FAM135A: variants seen among roughly 807,000 people sequenced by gnomAD.
FAM135A encodes family with sequence similarity 135 member A.
A neutral mutation model predicts 146.8 loss-of-function variants in FAM135A; 79 were observed. That is an observed-to-expected ratio of 0.54 (90% confidence interval 0.45 to 0.65). FAM135A has a LOEUF of 0.65. Ranked by LOEUF, FAM135A falls within the 30% of genes least tolerant of loss-of-function variation. The pLI, the probability that FAM135A is intolerant of heterozygous loss-of-function variation, is 0.00. For missense variants in FAM135A, 1,623 were observed against 1,758.2 expected (o/e 0.92, Z 1.38); for synonymous variants, 562 against 603.6 (o/e 0.93, Z 1.01).
In FAM135A at chr6:70,525,073, T is replaced by C; in HGVS notation, c.1989T>C (p.Asn663=). 1 of 1,580,860 alleles carries C rather than the reference T, an allele frequency of 6.3e-7. No homozygotes were observed. The highest frequency in any genetic ancestry group is 8.6e-7 in the Non-Finnish European group (1 of 1,168,670). ...GAACAATTGAAATAAAGCCCAGTAA[T>C]AAAGATCCTTTCAGTGGAGAGAATA... ...GVRTIEIKPS[N]KDPFSGENIT... The change falls in exon 15 of 22, where the codon AAT becomes AAC. Residue 663 remains asparagine, a synonymous_variant. Coordinates refer to ENST00000418814, the MANE Select transcript of FAM135A (RefSeq NM_001162529.3).
At chr6:70,437,796 A>G (rs546581852) in intron 4 of FAM135A, among the ~76,000 whole-genome samples, 1 of 152,182 alleles carries the variant, frequency 6.6e-6, no homozygotes, top group Non-Finnish European at 1.5e-5. Context: ...AAATTTTACA[A>G]AAGTAAATGT....
intron 5 of FAM135A, among the ~76,000 whole-genome samples, chr6:70,468,706 G>A (rs1213637256): frequency 6.6e-6 from 1 of 152,202 alleles, no homozygotes; most frequent in Non-Finnish European, 1.5e-5. Context: ...GAAGACTCTT[G>A]TCTGTCTCCT....
At chr6:70,548,871 A>T (rs1235836448) in intron 20 of FAM135A, among the ~76,000 whole-genome samples, 1 of 152,012 alleles carries the variant, frequency 6.6e-6, no homozygotes, top group Non-Finnish European at 1.5e-5. Context: ...TAACAACCCA[A>T]AAGAAAAAAA....
At chr6:70,420,991 C>G (rs748187242) in intron 2 of FAM135A, among the ~76,000 whole-genome samples, 1 of 151,958 alleles carries the variant, frequency 6.6e-6, no homozygotes, top group Non-Finnish European at 1.5e-5. Context: ...AAGCAGTCCT[C>G]CCACCTCAGC....
At chr6:70,515,889 G>C (rs1206358614) in intron 12 of FAM135A, among the ~76,000 whole-genome samples, 1 of 151,874 alleles carries the variant, frequency 6.6e-6, no homozygotes. Context: ...CGTACTTTCT[G>C]ATCAGTTTTT....
chr6:70,540,555 G>C (rs1797733325), intron 20 of FAM135A, among the ~76,000 whole-genome samples: 1 of 151,966 alleles, frequency 6.6e-6, no homozygotes, highest in South Asian at 2.1e-4. Flanking sequence ...TCGATCTCCT[G>C]ACCTTGTGAT....
chr6:70,453,444 A>G (rs1038592681), intron 5 of FAM135A, among the ~76,000 whole-genome samples: 3 of 152,162 alleles, frequency 2.0e-5, no homozygotes, highest in Non-Finnish European at 4.4e-5. Flanking sequence ...TTTAAGTTCT[A>G]GGATACATGT....
At chr6:70,416,291 AGATATTCCTTTTGTTTGCCACGAGTT>A (rs1767558390) in intron 2 of FAM135A, among the ~76,000 whole-genome samples, 1 of 152,260 alleles carries the variant, frequency 6.6e-6, no homozygotes, top group Non-Finnish European at 1.5e-5. Flanking sequence ...TTTGTAAAAC[AGATATTCCTTTTGTTTGCCACGAGTT>A]GACACTGAAA....
At chr6:70,445,673 T>A (rs1480328654) in intron 4 of FAM135A, among the ~76,000 whole-genome samples, 1 of 152,220 alleles carries the variant, frequency 6.6e-6, no homozygotes. Context: ...TGTTTGTGGT[T>A]TAAGAACGCT....
chr6:70,486,119 T>C, intron 10 of FAM135A: 1 of 1,537,368 alleles, frequency 6.5e-7, no homozygotes, highest in East Asian at 2.3e-5. Context: ...TAAGTTTTGT[T>C]GTGAAAGGAG....
At chr6:70,482,485 T>C (rs1783917123) in intron 10 of FAM135A, among the ~76,000 whole-genome samples, 1 of 152,148 alleles carries the variant, frequency 6.6e-6, no homozygotes, top group Admixed American at 6.6e-5. Context: ...GGAAGGTAAA[T>C]TAAAGCCATA....
In FAM135A at chr6:70,525,189, A is replaced by C; in HGVS notation, c.2105A>C (p.Asn702Thr). 6.3e-7 allele frequency: 1 copy of C among 1,595,046 alleles called. No homozygotes were observed. Among genetic ancestry groups the C allele is most frequent in the African/African-American group, 1.4e-5 (1 of 73,886 alleles). Residue 702 changes from asparagine to threonine, a missense_variant, in exon 15 of 22, where the codon AAT becomes ACT. Transcript: ENST00000418814. Reference sequence around the variant, plus strand: ...CCCAACTTTGAGTCCTTAGAATCTAATGGTAAATCTAAATCTATAGAAATA... The same window carrying C: ...CCCAACTTTGAGTCCTTAGAATCTACTGGTAAATCTAAATCTATAGAAATA... ...LLPNFESLESNGKSKSIEITF... is the reference protein window; with the variant it reads ...LLPNFESLESTGKSKSIEITF...
intron 4 of FAM135A, among the ~76,000 whole-genome samples, chr6:70,435,778 C>T (rs1341462853): frequency 6.6e-6 from 1 of 152,134 alleles, no homozygotes; most frequent in East Asian, 1.9e-4. Context: ...TTTAAAAGGA[C>T]TATCAGCTAA....
intron 12 of FAM135A, chr6:70,504,856 C>G (rs993495979): frequency 1.3e-5 from 2 of 151,716 alleles, no homozygotes; most frequent in African/African-American, 4.8e-5. Flanking sequence ...ACCTGTAATC[C>G]CAGCTACTTG....
At chr6:70,496,410 G>T (rs552973935) in intron 11 of FAM135A, among the ~76,000 whole-genome samples, 10 of 152,214 alleles carry the variant, frequency 6.6e-5, no homozygotes, top group African/African-American at 2.4e-4. Flanking sequence ...TTAGCCCTTT[G>T]TCAGATGGAT....
intron 2 of FAM135A, among the ~76,000 whole-genome samples, chr6:70,423,980 A>G (rs1769459411): frequency 6.6e-6 from 1 of 152,200 alleles, no homozygotes; most frequent in South Asian, 2.1e-4. Flanking sequence ...AAACAGGAAA[A>G]CAGTAATAAA....
At chr6:70,421,198 T>G (rs949551220) in intron 2 of FAM135A, among the ~76,000 whole-genome samples, 1 of 152,170 alleles carries the variant, frequency 6.6e-6, no homozygotes, top group Non-Finnish European at 1.5e-5. Context: ...CTACTTTTTT[T>G]TAGTGTTCTA....
intron 20 of FAM135A, among the ~76,000 whole-genome samples, chr6:70,553,000 TA>T (rs1252635442): frequency 6.6e-6 from 1 of 152,190 alleles, no homozygotes; most frequent in African/African-American, 2.4e-5. Context: ...TAAAATATTT[TA>T]CATCTTTTTT....
Position 70,525,898 on chromosome 6 carries a change from C to T in FAM135A, c.2814C>T (p.Cys938=), listed in dbSNP as rs372236308. The T allele has an allele frequency of 4.6e-5, 74 of 1,612,956 alleles. No homozygotes were observed. Among genetic ancestry groups the T allele is most frequent in the South Asian group, 1.1e-5 (1 of 90,904 alleles). Residue 938 remains cysteine (C), a synonymous_variant, in exon 15 of 22, where the codon TGC becomes TGT. Transcript: ENST00000418814. ...CTTCCAGTGATGTGAAAAGTAGTTG[C>T]AGCTCCAAACCTAACTTGGATACTA... ...EETSSDVKSS[C]SSKPNLDTMC...
Sources: gnomAD v4.1 joint callset for allele counts (sites outside exome capture counted in the v4.1 genomes callset) on GRCh38, gnomAD v4.1.1 for gene constraint, MANE v1.5 for transcripts, NCBI Gene and HGNC (gene_info 2026-07-23, HGNC 2026-07-21) for gene names.